Variants in XRRA1 observed in about 807,000 individuals in gnomAD.
XRRA1 encodes the protein X-ray radiation resistance associated 1.
In XRRA1, 69 loss-of-function variants were observed where a neutral mutation model predicts 80.2. The ratio of observed to expected loss-of-function variants is 0.86; its 90% confidence interval spans 0.71 to 1.05. The LOEUF is 1.05. Among genes scored for constraint, XRRA1 ranks in the 50% least tolerant of loss-of-function variants. The pLI is 0.00. For synonymous variants in XRRA1, 348 were observed against 389.9 expected (o/e 0.89, Z 1.27); for missense variants, 967 against 976.4 (o/e 0.99, Z 0.13).
Position 74,862,988 on chromosome 11 carries a change from G to A in XRRA1, c.1037C>T (p.Thr346Ile). 1.2e-6 allele frequency: 2 copies of A among 1,603,704 alleles called. No individual in the cohort carries two copies. The highest frequency in any genetic ancestry group is 1.7e-6 in the Non-Finnish European group (2 of 1,174,922). The stretch of plus-strand genomic sequence containing the variant: ...AAAGTAGTCAGTTCCTACCTCTGAG[G>A]TTGAAAATCCAGGGTAAGATGAAAA... ...VVFSSYPGFSTSETTKICSLP... is the reference protein window; with the variant it reads ...VVFSSYPGFSISETTKICSLP... The change falls in exon 11 of 19, where the codon ACC (threonine) becomes ATC (isoleucine). Residue 346 changes from threonine (T) to isoleucine (I), a missense_variant. Transcript: ENST00000684022.
Position 74,863,018 on chromosome 11 carries a change from A to G in XRRA1, c.1007T>C (p.Val336Ala). The change falls in exon 11 of 19, where the codon GTT (valine) becomes GCT (alanine). Residue 336 changes from valine (V) to alanine (A), a missense_variant. Physicochemically the swap from Val to Ala is moderately conservative, Grantham distance 64. Coordinates refer to ENST00000684022, the MANE Select transcript of XRRA1 (RefSeq NM_001378157.1). ...PMKKDVDRTE[V>A]VFSSYPGFST... ...AAATCCAGGGTAAGATGAAAACACA[A>G]CCTCTGAAACAGAAGAGAAACAGAA... The G allele has an allele frequency of 2.5e-6, 4 of 1,602,308 alleles. No individual in the cohort carries two copies. Among genetic ancestry groups the G allele is most frequent in the Non-Finnish European group, 3.4e-6 (4 of 1,174,334 alleles).
intron 10 of XRRA1, among the ~76,000 whole-genome samples, chr11:74,874,233 CAAAAAAAAAAAAAAAAAAAA>C (rs367875228): frequency 2.1e-5 from 1 of 48,290 alleles, no homozygotes; most frequent in Admixed American, 3.4e-4. Context: ...GACTCCGTCT[CAAAAAAAAAAAAAAAAAAAA>C]AAAAAAAAAG....
At chr11:74,904,734 G>A (rs2054216098) in intron 10 of XRRA1, among the ~76,000 whole-genome samples, 2 of 151,974 alleles carry the variant, frequency 1.3e-5, no homozygotes, top group East Asian at 3.9e-4. Context: ...TTGTTTTTAA[G>A]ATATCCTAAA....
chr11:74,936,827 C>T (rs981951421), intron 4 of XRRA1, 57 bp downstream of exon 4: 175 of 1,539,298 alleles, frequency 1.1e-4, no homozygotes, highest in Non-Finnish European at 1.4e-4. Flanking sequence ...AATCCTTCCC[C>T]ACTTCCTCCC....
intron 10 of XRRA1, among the ~76,000 whole-genome samples, chr11:74,884,523 A>G (rs1280484722): frequency 6.6e-6 from 1 of 152,154 alleles, no homozygotes; most frequent in Non-Finnish European, 1.5e-5. Context: ...CCCTATGTAA[A>G]TCAGAAACTG....
In XRRA1 at chr11:74,906,219, G is replaced by T; in HGVS notation, c.1003+20C>A. 6.2e-7 allele frequency: 1 copy of T among 1,604,440 alleles called. No homozygotes were observed. The highest frequency in any genetic ancestry group is 1.1e-5 in the South Asian group (1 of 90,490). On this transcript the variant is annotated intron_variant, in intron 10 of 18. Coordinates refer to ENST00000684022, the MANE Select transcript of XRRA1 (RefSeq NM_001378157.1). ...TTCCACCATGAGGGTAGAATTTCTG[G>T]GACAAGGGGTGTCACTCACCTGTCC... is the stretch of plus-strand genomic sequence containing the variant.
At chr11:74,919,547 G>A in intron 8 of XRRA1, 1 of 391,786 alleles carries the variant, frequency 2.6e-6, no homozygotes, top group South Asian at 2.3e-5. Flanking sequence ...ACTGGCTCAT[G>A]GAGAAAGCCT....
chr11:74,880,759 T>C (rs1269978430), intron 10 of XRRA1, among the ~76,000 whole-genome samples: 3 of 151,370 alleles, frequency 2.0e-5, no homozygotes, highest in Non-Finnish European at 3.0e-5. Context: ...AGTTTCCATG[T>C]AGTTGAGCGG....
At chr11:74,866,364 C>T (rs140442064) in intron 10 of XRRA1, among the ~76,000 whole-genome samples, 56 of 152,188 alleles carry the variant, frequency 3.7e-4, no homozygotes, top group African/African-American at 1.2e-3. Context: ...AGCAATCCTC[C>T]CACCTCAGCC....
chr11:74,848,643 G>A (rs2038955439), intron 14 of XRRA1, among the ~76,000 whole-genome samples, 181 bp from the exon 15 acceptor site: 1 of 152,172 alleles, frequency 6.6e-6, no homozygotes, highest in African/African-American at 2.4e-5. Context: ...GATGTAAGTT[G>A]TTTTATTTCT....
chr11:74,940,925 A>C, intron 2 of XRRA1, 43 bp from the exon 3 acceptor site: 5 of 1,461,426 alleles, frequency 3.4e-6, no homozygotes, highest in Non-Finnish European at 4.7e-6. Context: ...AAGAGTGAAA[A>C]GGCACAGCAG....
intron 4 of XRRA1, among the ~76,000 whole-genome samples, chr11:74,935,636 G>A (rs1310496674): frequency 6.6e-6 from 1 of 152,192 alleles, no homozygotes; most frequent in African/African-American, 2.4e-5. Context: ...CAACTGGGTA[G>A]ATGGTAGTGC....
At chr11:74,885,501 C>G (rs993875747) in intron 10 of XRRA1, among the ~76,000 whole-genome samples, 2 of 152,038 alleles carry the variant, frequency 1.3e-5, no homozygotes, top group Admixed American at 1.3e-4. Context: ...CACATACAAC[C>G]ACCCAAGACT....
At chr11:74,927,573 T>C in intron 6 of XRRA1, 85 bp from the exon 7 acceptor site, 1 of 957,678 alleles carries the variant, frequency 1.0e-6, no homozygotes, top group South Asian at 1.4e-5. Flanking sequence ...ACTGTGTCCC[T>C]ACTGGGTTAG....
At chr11:74,857,637 T>C (rs1426428247) in intron 12 of XRRA1, among the ~76,000 whole-genome samples, 3 of 152,070 alleles carry the variant, frequency 2.0e-5, no homozygotes, top group Admixed American at 2.0e-4. Context: ...TAGAACACTT[T>C]CCCCCAAAAC....
intron 14 of XRRA1, chr11:74,850,846 T>A (rs2039633879): frequency 4.2e-6 from 1 of 240,592 alleles, no homozygotes; most frequent in African/African-American, 2.3e-5. Flanking sequence ...ATAGCCATTC[T>A]CAATTACTGT....
chr11:74,843,227 C>T lies in XRRA1; in HGVS notation c.2376G>A (p.Glu792=), dbSNP rs2036860250. 6.4e-7 allele frequency: 1 copy of T among 1,559,398 alleles called. No homozygotes were observed. The highest frequency in any genetic ancestry group is 1.4e-5 in the African/African-American group (1 of 73,490). The part of the protein sequence containing the change: ...FLEFMDEFCQ[E]PTASDSQG ...AGCCTTGTGAGTCACTGGCTGTGGG[C>T]TCCTGGCAGAACTCATCCATGAACT... The change falls in exon 19 of 19, where the codon GAG becomes GAA. Residue 792 remains glutamate, a synonymous_variant. Transcript: ENST00000684022.
intron 10 of XRRA1, among the ~76,000 whole-genome samples, chr11:74,899,925 A>G (rs1178929662): frequency 6.6e-6 from 1 of 152,126 alleles, no homozygotes; most frequent in Non-Finnish European, 1.5e-5. Flanking sequence ...CCCTGATACC[A>G]AAACCAGACA....
At chr11:74,863,163 A>T (rs1360948369) in intron 10 of XRRA1, 142 bp from the exon 11 acceptor site, 2 of 755,820 alleles carry the variant, frequency 2.6e-6, no homozygotes, top group South Asian at 1.5e-5. Context: ...CCCCAGTGCT[A>T]ACTAGGAAGA....
Sources: gnomAD v4.1 joint callset for allele counts (sites outside exome capture counted in the v4.1 genomes callset) on GRCh38, gnomAD v4.1.1 for gene constraint, MANE v1.5 for transcripts, NCBI Gene and HGNC (gene_info 2026-07-23, HGNC 2026-07-21) for gene names.